B3GNT3: variants seen among roughly 807,000 people sequenced by gnomAD.
B3GNT3 encodes N-acetyllactosaminide beta-1,3-N-acetylglucosaminyltransferase 3.
In B3GNT3, 7 loss-of-function variants were observed where a neutral mutation model predicts 11.6. The ratio of observed to expected loss-of-function variants is 0.60; its 90% CI spans 0.34 to 1.13. The LOEUF is 1.13. B3GNT3 is among the 50% of genes most tolerant of loss of function. The pLI is 0.03. For missense variants in B3GNT3, 400 were observed against 507.4 expected (o/e 0.79, Z 2.03); for synonymous variants, 201 against 222.1 (o/e 0.90, Z 0.85).
chr19:17,803,339 G>A (rs1230940149), intron 1 of B3GNT3, among the ~76,000 whole-genome samples: 1 of 152,172 alleles, frequency 6.6e-6, no homozygotes, highest in Non-Finnish European at 1.5e-5. Context: ...TGGAGCAGAT[G>A]AGTGAGGGCA....
At chr19:17,804,265 A>G (rs541533499) in intron 1 of B3GNT3, among the ~76,000 whole-genome samples, 30 of 98,564 alleles carry the variant, frequency 3.0e-4, no homozygotes, top group Non-Finnish European at 5.1e-4. Context: ...TTTGAGACAG[A>G]GTCTTGTTCT....
Position 17,807,888 on chromosome 19 carries a change from G to C in B3GNT3, c.81G>C (p.Leu27=). Residue 27 remains leucine, a synonymous_variant, in exon 2 of 3, where the codon CTG becomes CTC. Transcript: ENST00000318683. ...CTTTCACCCTCCTCCTCTTCAGTCT[G>C]CTAGTGTCACCACCCACCTGCAAGG... The part of the protein sequence containing the change: ...IGAFTLLLFS[L]LVSPPTCKVQ... 1 of 1,613,452 alleles carries C rather than the reference G, an allele frequency of 6.2e-7. No homozygotes were observed. Among genetic ancestry groups the C allele is most frequent in the Non-Finnish European group, 8.5e-7 (1 of 1,179,992 alleles).
intron 1 of B3GNT3, among the ~76,000 whole-genome samples, chr19:17,796,338 C>T (rs1408465884): frequency 3.3e-5 from 5 of 152,224 alleles, no homozygotes; most frequent in Non-Finnish European, 7.3e-5. Flanking sequence ...AGCAATCCTC[C>T]TGCCTTGGCA....
At position 17,807,743 on chromosome 19, in the gene B3GNT3, T is replaced by G. The variant is rs2094174988; in HGVS notation, c.-50-15T>G. 2 of 1,471,372 alleles carry G rather than the reference T, an allele frequency of 1.4e-6. No homozygotes were observed. The highest frequency in any genetic ancestry group is 1.8e-6 in the Non-Finnish European group (2 of 1,084,570). The allele number at this position is 1,471,372 out of a possible 1,614,324, so 91.1% of individuals were successfully genotyped here. ...TTGCTCATGGCGAGTGTTCAGTGAG[T>G]TTTGTTTTCCACAGGAGCCGCCCAG... On this transcript the variant is annotated splice_polypyrimidine_tract_variant and intron_variant, in intron 1 of 2. Transcript: ENST00000318683.
At chr19:17,800,933 G>T (rs1040574369) in intron 1 of B3GNT3, among the ~76,000 whole-genome samples, 1 of 151,426 alleles carries the variant, frequency 6.6e-6, no homozygotes. Context: ...TGAGATCGTG[G>T]CGCTGCACTT....
chr19:17,804,278 C>T (rs190721904), intron 1 of B3GNT3, among the ~76,000 whole-genome samples: 10 of 93,260 alleles, frequency 1.1e-4, no homozygotes, highest in South Asian at 6.4e-4. Flanking sequence ...CTTGTTCTAT[C>T]GCCCAGGCTG....
chr19:17,808,208 G>A lies in B3GNT3; in HGVS notation c.401G>A (p.Arg134His), dbSNP rs750458504. 3 of 1,611,778 alleles carry A rather than the reference G, an allele frequency of 1.9e-6. No homozygotes were observed. Among genetic ancestry groups the A allele is most frequent in the Non-Finnish European group, 2.5e-6 (3 of 1,178,400 alleles). ...ELLRRTWGRE[R>H]KVRGLQLRLL... ...CTGCGGCGCACGTGGGGCCGCGAGC[G>A]CAAGGTACGGGGTTTGCAGCTGCGC... Residue 134 changes from arginine to histidine, a missense_variant, in exon 2 of 3, where the codon CGC becomes CAC. Arg to His is a conservative substitution (Grantham distance 29). Coordinates refer to ENST00000318683, the MANE Select transcript of B3GNT3 (RefSeq NM_014256.4).
chr19:17,799,614 C>T (rs1234764184), intron 1 of B3GNT3, among the ~76,000 whole-genome samples: 2 of 151,902 alleles, frequency 1.3e-5, no homozygotes, highest in Non-Finnish European at 2.9e-5. Context: ...TGGGTGGCCC[C>T]AGCTACTCGG....
chr19:17,805,833 T>C (rs932404958), intron 1 of B3GNT3, among the ~76,000 whole-genome samples: 1 of 152,138 alleles, frequency 6.6e-6, no homozygotes, highest in Non-Finnish European at 1.5e-5. Context: ...CATCTTGCTC[T>C]GTTGCCCAGG....
chr19:17,810,477 AC>A (rs1318979822), intron 2 of B3GNT3, among the ~76,000 whole-genome samples: 1 of 152,088 alleles, frequency 6.6e-6, no homozygotes, highest in Non-Finnish European at 1.5e-5. Flanking sequence ...TGAACCCAGC[AC>A]CCGTGAAGCA....
In B3GNT3 at chr19:17,807,754, A is replaced by T; in HGVS notation, c.-50-4A>T. Reference sequence around the variant, plus strand: ...GAGTGTTCAGTGAGTTTTGTTTTCCACAGGAGCCGCCCAGGAGGCTCCTCA... The same window carrying T: ...GAGTGTTCAGTGAGTTTTGTTTTCCTCAGGAGCCGCCCAGGAGGCTCCTCA... On this transcript the variant is annotated splice_region_variant and splice_polypyrimidine_tract_variant and intron_variant, in intron 1 of 2. Transcript: ENST00000318683. 6.6e-7 allele frequency: 1 copy of T among 1,516,886 alleles called. No homozygotes were observed. The highest frequency in any genetic ancestry group is 1.4e-5 in the African/African-American group (1 of 72,216). 94.0% of individuals were successfully genotyped at this position (1,516,886 alleles called of 1,614,324 possible).
rs372786319 is a variant in B3GNT3, at chr19:17,807,980, C to G, written c.173C>G (p.Pro58Arg). Residue 58 changes from proline (P) to arginine (R), a missense_variant, in exon 2 of 3, where the codon CCG becomes CGG. Transcript: ENST00000318683. Reference sequence around the variant, plus strand: ...CCCACTCCACCCACCCGCCCAGCCCCGGCCCCGTGCCATGCCAACACCTCT... The same window carrying G: ...CCCACTCCACCCACCCGCCCAGCCCGGGCCCCGTGCCATGCCAACACCTCT... ...AWPTPPTRPAPAPCHANTSMV... is the reference protein window; with the variant it reads ...AWPTPPTRPARAPCHANTSMV... 6.5e-7 allele frequency: 1 copy of G among 1,538,144 alleles called. No individual in the cohort carries two copies. The highest frequency in any genetic ancestry group is 8.9e-7 in the Non-Finnish European group (1 of 1,122,034).
chr19:17,809,447 T>A, intron 2 of B3GNT3, among the ~76,000 whole-genome samples: 1 of 151,224 alleles, frequency 6.6e-6, no homozygotes, highest in South Asian at 2.1e-4. Context: ...TATGTTTTTT[T>A]AATTAATTTT....
At chr19:17,805,964 A>T (rs2094172522) in intron 1 of B3GNT3, among the ~76,000 whole-genome samples, 1 of 151,058 alleles carries the variant, frequency 6.6e-6, no homozygotes, top group African/African-American at 2.4e-5. Context: ...CAGCCTGCTA[A>T]TTTTTTGTTT....
At chr19:17,799,606 G>A (rs2094163564) in intron 1 of B3GNT3, among the ~76,000 whole-genome samples, 1 of 151,814 alleles carries the variant, frequency 6.6e-6, no homozygotes, top group Admixed American at 6.6e-5. Flanking sequence ...CTAAGGTCTG[G>A]GTGGCCCCAG....
At chr19:17,804,284 G>A (rs1186618701) in intron 1 of B3GNT3, among the ~76,000 whole-genome samples, 2 of 129,616 alleles carry the variant, frequency 1.5e-5, no homozygotes, top group Non-Finnish European at 3.1e-5. Context: ...CTATCGCCCA[G>A]GCTGGAGTAC....
chr19:17,795,846 G>C (rs367734726), intron 1 of B3GNT3, among the ~76,000 whole-genome samples: 3 of 152,266 alleles, frequency 2.0e-5, no homozygotes, highest in African/African-American at 7.2e-5. Flanking sequence ...GGGGGCCCTT[G>C]CGTGACTGGC....
intron 1 of B3GNT3, among the ~76,000 whole-genome samples, chr19:17,801,890 C>G (rs999355530): frequency 6.6e-6 from 1 of 152,138 alleles, no homozygotes; most frequent in Non-Finnish European, 1.5e-5. Context: ...GAGTTTGAGA[C>G]TAGCCTGCCC....
At position 17,811,735 on chromosome 19, in the gene B3GNT3, C is replaced by A. The variant is rs773462089; in HGVS notation, c.732C>A (p.Pro244=). ...GGCAACTGATCCAAAACGTGGGCCC[C>A]ATCCGGGCTTTTTGGAGCAAGTACT... ...FVGQLIQNVG[P]IRAFWSKYYV... is the part of the protein sequence containing the mutation. The change falls in exon 3 of 3, where the codon CCC becomes CCA. Residue 244 remains proline (P), a synonymous_variant. Transcript: ENST00000318683. This position sits in a 1 kb window ranked among gnomAD's most constrained non-coding sequence, Gnocchi z 4.1. 17 of 1,614,246 alleles carry A rather than the reference C, an allele frequency of 1.1e-5. No individual in the cohort carries two copies. In the East Asian group the frequency reaches 3.1e-4, roughly 30 times the overall value.
Sources: allele counts gnomAD v4.1 joint callset (sites outside exome capture counted in the v4.1 genomes callset), GRCh38; gene constraint gnomAD v4.1.1; non-coding constraint Gnocchi (gnomAD v3.1); transcripts MANE v1.5; gene names NCBI Gene and HGNC (gene_info 2026-07-23, HGNC 2026-07-21).